Variants in GNAQ observed in about 807,000 individuals in gnomAD.
GNAQ encodes the protein G protein subunit alpha q, also known as guanine nucleotide-binding protein G(q) subunit alpha.
A neutral mutation model predicts 43.9 loss-of-function variants in GNAQ; 8 were observed. The observed-to-expected ratio is 0.18, with a 90% CI of 0.11 to 0.33. GNAQ has a LOEUF of 0.33. Ranked by LOEUF, GNAQ falls within the 10% of genes least tolerant of loss-of-function variation. The probability of loss-of-function intolerance (pLI) is 1.00; values close to 1 mark genes in which losing one functional copy is unlikely to be tolerated. For missense variants in GNAQ, 158 were observed against 450.8 expected (o/e 0.35, Z 5.88); for synonymous variants, 155 against 170.7 (o/e 0.91, Z 0.71).
At chr9:77,727,977 C>T (rs895285594) in intron 6 of GNAQ, among the ~76,000 whole-genome samples, 2 of 151,974 alleles carry the variant, frequency 1.3e-5, no homozygotes, top group Admixed American at 6.6e-5. Flanking sequence ...TTCTGATCTG[C>T]TATTTCAAAG....
intron 5 of GNAQ, among the ~76,000 whole-genome samples, chr9:77,791,361 T>C (rs1250889693): frequency 6.6e-6 from 1 of 152,216 alleles, no homozygotes; most frequent in African/African-American, 2.4e-5. Context: ...TGTCTTATTG[T>C]GTGCTTTGGG....
Position 77,815,256 on chromosome 9 carries a change from G to A in GNAQ, c.476+360C>T, listed in dbSNP as rs574538098. The stretch of plus-strand genomic sequence containing the variant: ...TGTTTTCTAGCACATGAATAAGATT[G>A]GATTTTCTATCAAAAATTATTATTA... On this transcript the variant is annotated intron_variant, in intron 3 of 6. Coordinates refer to ENST00000286548, the MANE Select transcript of GNAQ (RefSeq NM_002072.5). 5.1e-3 allele frequency among the ~76,000 whole-genome samples: 777 copies of A among 152,174 alleles called. 10 individuals carry two copies. The highest frequency in any genetic ancestry group is 0.022 in the South Asian group (108 of 4,820).
intron 2 of GNAQ, among the ~76,000 whole-genome samples, chr9:77,890,197 T>C (rs1564142371): frequency 6.6e-6 from 1 of 152,198 alleles, no homozygotes. Flanking sequence ...ATCTTTGTAT[T>C]GGTTATTTGG....
chr9:77,819,238 G>A (rs1587931119), intron 2 of GNAQ, among the ~76,000 whole-genome samples: 1 of 152,244 alleles, frequency 6.6e-6, no homozygotes. Flanking sequence ...CAGAATTCTA[G>A]GGAAAGACCA....
chr9:77,782,475 A>G (rs575419816), intron 5 of GNAQ, among the ~76,000 whole-genome samples: 1 of 152,298 alleles, frequency 6.6e-6, no homozygotes, highest in Non-Finnish European at 1.5e-5. Context: ...GAATGGCCAA[A>G]ATCCCAAACA....
Position 77,938,678 on chromosome 9 carries a change from G to C in GNAQ, c.137-16333C>G, listed in dbSNP as rs560123759. 1.6e-3 allele frequency among the ~76,000 whole-genome samples: 245 copies of C among 152,306 alleles called. 2 individuals are homozygous for C. Among genetic ancestry groups the C allele is most frequent in the African/African-American group, 5.0e-3 (208 of 41,562 alleles). The stretch of plus-strand genomic sequence containing the variant: ...GCACGGCTTGAACCTGGGAATCCGA[G>C]AAAATGGGAGCACCTTTAGCACTAC... On this transcript the variant is annotated intron_variant, in intron 1 of 6. Coordinates refer to ENST00000286548, the MANE Select transcript of GNAQ (RefSeq NM_002072.5).
chr9:77,746,165 G>T (rs1295056293), intron 5 of GNAQ, among the ~76,000 whole-genome samples: 1 of 152,214 alleles, frequency 6.6e-6, no homozygotes, highest in East Asian at 1.9e-4. Flanking sequence ...GGCAGAATAG[G>T]GATATTTTTA....
At chr9:77,728,811 T>C (rs1191131440) in intron 5 of GNAQ, 144 bp from the exon 6 acceptor site, 1 of 609,212 alleles carries the variant, frequency 1.6e-6, no homozygotes, top group African/African-American at 1.8e-5. Context: ...TCAGGATTTA[T>C]ATGCAAATGA....
chr9:77,850,319 C>T (rs1827654156), intron 2 of GNAQ, among the ~76,000 whole-genome samples: 1 of 152,200 alleles, frequency 6.6e-6, no homozygotes, highest in Non-Finnish European at 1.5e-5. Context: ...GCATCCACCA[C>T]TTCCAGTTTA....
chr9:77,866,602 C>G (rs993463664), intron 2 of GNAQ, among the ~76,000 whole-genome samples: 1 of 152,026 alleles, frequency 6.6e-6, no homozygotes, highest in African/African-American at 2.4e-5. Context: ...ACAAAATAAC[C>G]CAATCAGGAG....
At chr9:77,944,433 C>T (rs1829358955) in intron 1 of GNAQ, among the ~76,000 whole-genome samples, 1 of 151,952 alleles carries the variant, frequency 6.6e-6, no homozygotes, top group Non-Finnish European at 1.5e-5. Context: ...CTTGCACCAT[C>T]AAGCCGCCTC....
chr9:77,743,591 A>G (rs1000551324), intron 5 of GNAQ, among the ~76,000 whole-genome samples: 1 of 152,226 alleles, frequency 6.6e-6, no homozygotes, highest in Admixed American at 6.5e-5. Flanking sequence ...ATTCAGGAAC[A>G]ATGTGTGTTA....
intron 3 of GNAQ, among the ~76,000 whole-genome samples, chr9:77,809,131 ATGCGT>A (rs1826875100): frequency 6.6e-6 from 1 of 152,206 alleles, no homozygotes; most frequent in Non-Finnish European, 1.5e-5. Flanking sequence ...AAATGTAAGC[ATGCGT>A]TTAGAAAGTC....
intron 3 of GNAQ, among the ~76,000 whole-genome samples, 168 bp downstream of exon 3, chr9:77,815,448 A>G (rs1336714715): frequency 2.6e-5 from 4 of 152,164 alleles, no homozygotes; most frequent in Admixed American, 6.5e-5. Context: ...TTATAACCTA[A>G]TTTAGATTTA....
At chr9:77,766,975 T>C (rs573424395) in intron 5 of GNAQ, among the ~76,000 whole-genome samples, 4 of 152,296 alleles carry the variant, frequency 2.6e-5, no homozygotes, top group East Asian at 3.9e-4. Context: ...TCTGACTTCA[T>C]GTTCTTAATC....
intron 1 of GNAQ, among the ~76,000 whole-genome samples, chr9:77,928,223 C>T (rs1362122904): frequency 6.6e-6 from 1 of 152,172 alleles, no homozygotes; most frequent in Non-Finnish European, 1.5e-5. Flanking sequence ...TAAAATCCTG[C>T]ATTTGAAACA....
intron 2 of GNAQ, among the ~76,000 whole-genome samples, chr9:77,850,225 T>C (rs1415153687): frequency 2.0e-5 from 3 of 152,234 alleles, no homozygotes; most frequent in Non-Finnish European, 2.9e-5. Context: ...TCTTCTCATT[T>C]ATCTGTCAGA....
chr9:77,890,799 T>C, intron 2 of GNAQ, among the ~76,000 whole-genome samples: 1 of 152,142 alleles, frequency 6.6e-6, no homozygotes. Flanking sequence ...GGATACTTAG[T>C]TTTCAATCAT....
chr9:77,894,470 T>A (rs1362012216), intron 2 of GNAQ, among the ~76,000 whole-genome samples: 2 of 147,356 alleles, frequency 1.4e-5, no homozygotes, highest in African/African-American at 2.5e-5. Context: ...GTCACCAGGC[T>A]GGAATGCAGT....
Sources: gnomAD v4.1 joint callset for allele counts (sites outside exome capture counted in the v4.1 genomes callset) on GRCh38, gnomAD v4.1.1 for gene constraint, MANE v1.5 for transcripts, NCBI Gene and HGNC (gene_info 2026-07-23, HGNC 2026-07-21) for gene names.